The following COL4A2 variants were observed in gnomAD, a reference collection of about 807,000 sequenced individuals.
The protein encoded by COL4A2 is collagen alpha-2(IV) chain.
Under a neutral mutation model 200.2 loss-of-function variants are expected in COL4A2, and 99 were observed. The observed-to-expected ratio is 0.49, with a 90% CI of 0.42 to 0.58. The LOEUF (loss-of-function observed/expected upper bound fraction) is 0.58. COL4A2 is among the 20% of genes least tolerant of loss of function. COL4A2 has a pLI of 0.00. For missense variants in COL4A2, 1,950 were observed against 2,314.1 expected (o/e 0.84, Z 3.23); for synonymous variants, 897 against 900.6 (o/e 1.00, Z 0.07).
chr13:110,484,138 C>G (rs1032951790), intron 32 of COL4A2, among the ~76,000 whole-genome samples: 1 of 152,006 alleles, frequency 6.6e-6, no homozygotes, highest in African/African-American at 2.4e-5. Flanking sequence ...ATTTTCAGCT[C>G]CATGGTAATT....
chr13:110,452,219 C>T (rs1396218262), intron 20 of COL4A2, among the ~76,000 whole-genome samples: 3 of 152,208 alleles, frequency 2.0e-5, no homozygotes, highest in African/African-American at 7.2e-5. Flanking sequence ...CTGCACGCTC[C>T]GCCTCCCGGG....
chr13:110,409,140 C>G (rs549398992), intron 4 of COL4A2, among the ~76,000 whole-genome samples: 2 of 151,988 alleles, frequency 1.3e-5, no homozygotes, highest in Non-Finnish European at 2.9e-5. Context: ...CATGCACACA[C>G]GCACACATGT....
chr13:110,464,360 C>G (rs1446577678), intron 24 of COL4A2, among the ~76,000 whole-genome samples: 1 of 152,088 alleles, frequency 6.6e-6, no homozygotes. Context: ...GCTTGTGTGC[C>G]TTCCTTGTTT....
Position 110,485,803 on chromosome 13 carries a change from A to C in COL4A2, c.3174A>C (p.Gly1058=). 1.2e-6 allele frequency: 2 copies of C among 1,613,680 alleles called. No individual in the cohort carries two copies. The highest frequency in any genetic ancestry group is 1.1e-5 in the South Asian group (1 of 91,084). ...PGFPGVAGPP[G]ITGFPGFIGS... is the part of the protein sequence containing the mutation. ...TCCCTGGGGTGGCTGGCCCCCCTGGAATTACGGGATTCCCAGGATTCATAG... is the reference window on the plus strand; with the variant it reads ...TCCCTGGGGTGGCTGGCCCCCCTGGCATTACGGGATTCCCAGGATTCATAG... Residue 1058 remains glycine, a synonymous_variant, in exon 34 of 48, where the codon GGA becomes GGC. Coordinates refer to ENST00000360467, the MANE Select transcript of COL4A2 (RefSeq NM_001846.4).
intron 4 of COL4A2, among the ~76,000 whole-genome samples, chr13:110,397,127 G>A (rs551548480): frequency 5.3e-5 from 8 of 152,332 alleles, no homozygotes; most frequent in East Asian, 3.9e-4. Context: ...TCACATGACC[G>A]TCGGAGAGTT....
chr13:110,444,922 C>T (rs544299198), intron 16 of COL4A2, among the ~76,000 whole-genome samples: 1 of 152,346 alleles, frequency 6.6e-6, no homozygotes, highest in Non-Finnish European at 1.5e-5. Context: ...ACCATCACAG[C>T]TCACTGCAAC....
intron 3 of COL4A2, among the ~76,000 whole-genome samples, chr13:110,309,733 A>G (rs1566464813): frequency 1.3e-5 from 2 of 151,870 alleles, no homozygotes; most frequent in Non-Finnish European, 2.9e-5. Context: ...CACGCCTGTA[A>G]TCTTAGCACT....
intron 22 of COL4A2, among the ~76,000 whole-genome samples, chr13:110,460,555 C>A (rs1881987211): frequency 6.6e-6 from 1 of 152,110 alleles, no homozygotes; most frequent in East Asian, 1.9e-4. Flanking sequence ...ATTCTGTGCC[C>A]CTGAAATGTC....
intron 4 of COL4A2, among the ~76,000 whole-genome samples, chr13:110,380,766 GGCTCTGT>G (rs1878438896): frequency 6.6e-6 from 1 of 150,674 alleles, no homozygotes. Flanking sequence ...CACACCCATG[GGCTCTGT>G]GTCACACCCA....
chr13:110,386,297 T>TC (rs1878746669), intron 4 of COL4A2, among the ~76,000 whole-genome samples: 1 of 152,056 alleles, frequency 6.6e-6, no homozygotes, highest in Non-Finnish European at 1.5e-5. Context: ...TAAAAAATCC[T>TC]CCAAGGTTTT....
At chr13:110,356,639 C>G (rs376819055) in intron 3 of COL4A2, among the ~76,000 whole-genome samples, 1 of 152,252 alleles carries the variant, frequency 6.6e-6, no homozygotes, top group East Asian at 1.9e-4. Flanking sequence ...GCCCATGCCC[C>G]GGAGTTTCTC....
chr13:110,424,964 C>T lies in COL4A2; in HGVS notation c.327C>T (p.Gly109=), dbSNP rs1880414047. 2.5e-6 allele frequency: 4 copies of T among 1,614,054 alleles called. No individual in the cohort carries two copies. The highest frequency in any genetic ancestry group is 1.3e-5 in the African/African-American group (1 of 74,922). ...TGCTTTCTTCATAGGGAGCAAGAGG[C>T]GTTTCTGGATTCCCTGGTGCCGATG... ...TGPKGDVGAR[G]VSGFPGADGI... Residue 109 remains glycine (G), a synonymous_variant, in exon 6 of 48, where the codon GGC becomes GGT. Transcript: ENST00000360467.
chr13:110,505,243 G>C (rs528499424), intron 45 of COL4A2, among the ~76,000 whole-genome samples: 42 of 152,152 alleles, frequency 2.8e-4, no homozygotes, highest in Non-Finnish European at 4.7e-4. Flanking sequence ...CCAGCTACTC[G>C]GGAGGCTGAG....
At chr13:110,438,556 G>T (rs750443067) in intron 14 of COL4A2, 62 bp from the exon 15 acceptor site, 13 of 1,594,016 alleles carry the variant, frequency 8.2e-6, no homozygotes, top group Non-Finnish European at 1.0e-5. Context: ...TGACACGTGG[G>T]CCCTGTTGGC....
intron 4 of COL4A2, among the ~76,000 whole-genome samples, chr13:110,360,559 T>C (rs1381933267): frequency 6.6e-6 from 1 of 152,232 alleles, no homozygotes; most frequent in East Asian, 1.9e-4. Context: ...GACCTTTTTA[T>C]TTCCCAGCGT....
At chr13:110,324,660 G>C (rs1885359879) in intron 3 of COL4A2, among the ~76,000 whole-genome samples, 1 of 152,182 alleles carries the variant, frequency 6.6e-6, no homozygotes, top group Non-Finnish European at 1.5e-5. Context: ...GGTGATGGTG[G>C]TGCTGCTGCC....
intron 4 of COL4A2, among the ~76,000 whole-genome samples, chr13:110,419,795 T>A (rs1452719832): frequency 6.6e-6 from 1 of 152,036 alleles, no homozygotes; most frequent in Non-Finnish European, 1.5e-5. Flanking sequence ...CAAAATGGAG[T>A]CTGTCTTGTA....
intron 3 of COL4A2, among the ~76,000 whole-genome samples, chr13:110,330,652 C>G (rs1184616848): frequency 6.6e-6 from 1 of 152,210 alleles, no homozygotes. Context: ...AAACGCTTCT[C>G]CGATCCGCAG....
chr13:110,443,069 G>T (rs1249832298), intron 16 of COL4A2, among the ~76,000 whole-genome samples: 1 of 152,230 alleles, frequency 6.6e-6, no homozygotes, highest in African/African-American at 2.4e-5. Context: ...AGTGTTCCCT[G>T]TGGCTGTGTG....
Sources: gnomAD v4.1 joint callset for allele counts (sites outside exome capture counted in the v4.1 genomes callset) on GRCh38, gnomAD v4.1.1 for gene constraint, MANE v1.5 for transcripts, NCBI Gene and HGNC (gene_info 2026-07-23, HGNC 2026-07-21) for gene names.